Variants in AGMO observed in about 807,000 individuals in gnomAD.
AGMO encodes alkylglycerol monooxygenase, also known as glyceryl-ether monooxygenase.
AGMO carries 75 observed loss-of-function variants against 60.2 expected under a neutral mutation model. That is an observed-to-expected ratio of 1.25 (90% CI 1.03 to 1.51). The LOEUF is 1.51. AGMO is among the 40% of genes most tolerant of loss of function. The pLI is 0.00. For missense variants in AGMO, 763 were observed against 525.5 expected (o/e 1.45, Z -4.42); for synonymous variants, 261 against 177.1 (o/e 1.47, Z -3.76).
intron 12 of AGMO, among the ~76,000 whole-genome samples, chr7:15,316,118 T>C (rs966527611): frequency 2.6e-5 from 4 of 152,032 alleles, no homozygotes; most frequent in Non-Finnish European, 4.4e-5. Flanking sequence ...CCACTAGAAA[T>C]AGAAGTCCCA....
chr7:15,304,574 T>A (rs935977999), intron 12 of AGMO, among the ~76,000 whole-genome samples: 1 of 152,106 alleles, frequency 6.6e-6, no homozygotes, highest in Non-Finnish European at 1.5e-5. Context: ...TGTCAAGTTA[T>A]TTGTAATAAA....
intron 4 of AGMO, among the ~76,000 whole-genome samples, chr7:15,420,294 T>C (rs1780891662): frequency 6.6e-6 from 1 of 152,036 alleles, no homozygotes; most frequent in African/African-American, 2.4e-5. Flanking sequence ...CTAATGTGAA[T>C]CACAAGTCTA....
intron 5 of AGMO, among the ~76,000 whole-genome samples, chr7:15,408,685 G>A (rs927592365): frequency 1.3e-5 from 2 of 151,866 alleles, no homozygotes; most frequent in Non-Finnish European, 2.9e-5. Context: ...AAAGGAGAGA[G>A]AATTGTTTAC....
chr7:15,499,932 C>CACATAT (rs146144087), intron 3 of AGMO, among the ~76,000 whole-genome samples: 278 of 138,940 alleles, frequency 2.0e-3, no homozygotes, highest in East Asian at 7.7e-3. Context: ...CACACACACA[C>CACATAT]ATATATATAT....
chr7:15,302,404 G>A (rs960750340), intron 12 of AGMO, among the ~76,000 whole-genome samples: 10 of 152,086 alleles, frequency 6.6e-5, no homozygotes, highest in Admixed American at 5.2e-4. Context: ...TAAAGTTGGG[G>A]TCTAATAAAG....
At chr7:15,532,161 T>G (rs1258242504) in intron 3 of AGMO, among the ~76,000 whole-genome samples, 1 of 152,224 alleles carries the variant, frequency 6.6e-6, no homozygotes, top group East Asian at 1.9e-4. Flanking sequence ...TTTGAAAACC[T>G]TAACAACCAA....
At chr7:15,259,389 C>G (rs1184071086) in intron 12 of AGMO, among the ~76,000 whole-genome samples, 1 of 151,966 alleles carries the variant, frequency 6.6e-6, no homozygotes, top group East Asian at 1.9e-4. Context: ...TGAACAAAAC[C>G]TCCAGGAAGT....
chr7:15,432,382 A>ATATATATATATAT (rs1781279588), intron 3 of AGMO, among the ~76,000 whole-genome samples: 2 of 147,888 alleles, frequency 1.4e-5, no homozygotes, highest in African/African-American at 2.5e-5. Flanking sequence ...ATATATATAC[A>ATATATATATATAT]CTATCTGGGT....
intron 12 of AGMO, among the ~76,000 whole-genome samples, chr7:15,223,452 T>A (rs994943677): frequency 2.0e-5 from 3 of 152,020 alleles, no homozygotes; most frequent in African/African-American, 7.2e-5. Flanking sequence ...AATGAACATT[T>A]GTTAAAGATT....
chr7:15,327,283 A>C (rs1467927193), intron 12 of AGMO, among the ~76,000 whole-genome samples: 1 of 152,204 alleles, frequency 6.6e-6, no homozygotes, highest in East Asian at 1.9e-4. Flanking sequence ...TAAAAATAGA[A>C]AATGCTTGGG....
intron 3 of AGMO, among the ~76,000 whole-genome samples, chr7:15,495,267 C>T (rs1783191122): frequency 6.6e-6 from 1 of 152,164 alleles, no homozygotes; most frequent in Non-Finnish European, 1.5e-5. Context: ...AAGATTTCCC[C>T]TTCTCTTCTC....
chr7:15,247,447 C>CAGAG (rs1264804426), intron 12 of AGMO, among the ~76,000 whole-genome samples: 50 of 136,612 alleles, frequency 3.7e-4, no homozygotes, highest in African/African-American at 1.0e-3. Flanking sequence ...CACACACACA[C>CAGAG]ACACACACAC....
intron 2 of AGMO, among the ~76,000 whole-genome samples, chr7:15,557,322 T>G (rs541026065): frequency 6.6e-6 from 1 of 152,230 alleles, no homozygotes; most frequent in South Asian, 2.1e-4. Flanking sequence ...TACTACCATT[T>G]GTCTTGCAAT....
At chr7:15,184,972 G>A in the AGMO span, among the ~76,000 whole-genome samples, 1 of 152,020 alleles carries the variant, frequency 6.6e-6, no homozygotes, top group Admixed American at 6.6e-5. Context: ...AAGTATAAGG[G>A]AGTCGTGAAA....
chr7:15,136,510 G>T, the AGMO span, among the ~76,000 whole-genome samples: 1 of 151,484 alleles, frequency 6.6e-6, no homozygotes, highest in Non-Finnish European at 1.5e-5. Context: ...TTTTTAAAAG[G>T]AGCATTTACA....
chr7:15,262,937 A>C (rs1475810307), intron 12 of AGMO, among the ~76,000 whole-genome samples: 1 of 152,172 alleles, frequency 6.6e-6, no homozygotes, highest in Non-Finnish European at 1.5e-5. Flanking sequence ...CCCAAGATGG[A>C]TCAAAGACTT....
At chr7:15,349,148 T>C (rs527469820) in intron 12 of AGMO, among the ~76,000 whole-genome samples, 4 of 152,232 alleles carry the variant, frequency 2.6e-5, no homozygotes, top group South Asian at 2.1e-4. Flanking sequence ...AAATGTTCTA[T>C]ATACAGGCCT....
chr7:15,508,578 A>C (rs764736858), intron 3 of AGMO, among the ~76,000 whole-genome samples: 2 of 152,082 alleles, frequency 1.3e-5, no homozygotes, highest in Non-Finnish European at 2.9e-5. Flanking sequence ...GAATATGACA[A>C]CACCAATTGA....
chr7:15,254,695 G>T (rs1783045413), intron 12 of AGMO, among the ~76,000 whole-genome samples: 1 of 150,426 alleles, frequency 6.6e-6, no homozygotes, highest in Non-Finnish European at 1.5e-5. Flanking sequence ...TGAGACAAAG[G>T]GTTGTCATTT....
Sources: allele counts gnomAD v4.1 joint callset (sites outside exome capture counted in the v4.1 genomes callset), GRCh38; gene constraint gnomAD v4.1.1; transcripts MANE v1.5; gene names NCBI Gene and HGNC (gene_info 2026-07-23, HGNC 2026-07-21).